The following STON2 variants were observed in gnomAD, a reference collection of about 807,000 sequenced individuals.
STON2 encodes stonin 2.
In STON2, 29 loss-of-function variants were observed where a neutral mutation model predicts 65.7. The ratio of observed to expected loss-of-function variants is 0.44; its 90% CI spans 0.33 to 0.60. The LOEUF is 0.60. Ranked by LOEUF, STON2 falls within the 20% of genes least tolerant of loss-of-function variation. The probability of loss-of-function intolerance (pLI) is 0.03; values close to 1 mark genes in which losing one functional copy is unlikely to be tolerated. For missense variants in STON2, 1,054 were observed against 1,118.1 expected, an observed-to-expected ratio of 0.94 and a Z score of 0.82; for synonymous variants, 404 against 414.2, an observed-to-expected ratio of 0.98 and a Z score of 0.30.
chr14:81,398,542 C>A lies in STON2; in HGVS notation c.-160G>T, dbSNP rs1384433422. On this transcript the variant is annotated 5_prime_UTR_variant, in exon 2 of 8. Transcript: ENST00000614646. ...GGCAGTACTCAGAATGTAGACAGAT[C>A]AGCCTCTCTTGCCGTTGGTTAATCT... 1.2e-5 allele frequency: 6 copies of A among 495,428 alleles called. No homozygotes were observed. The highest frequency in any genetic ancestry group is 2.1e-5 in the Non-Finnish European group (6 of 279,272). The allele number at this position is 495,428 out of a possible 1,614,324, so 30.7% of individuals were successfully genotyped here.
intron 5 of STON2, among the ~76,000 whole-genome samples, chr14:81,308,780 C>CTATATATATATATATATATATATA (rs1566901042): frequency 5.2e-4 from 1 of 1,918 alleles, no homozygotes; most frequent in African/African-American, 2.0e-3. Context: ...ATGGTTTTAC[C>CTATATATATATATATATATATATA]CATATATATA....
rs190904440 is a variant in STON2, at chr14:81,424,363, G to A, written c.-199+2739C>T. On this transcript the variant is annotated intron_variant, in intron 2 of 8. Coordinates refer to the STON2 transcript ENST00000553821. ...GGAGGCTGAGGCAAGAGAATCGCTT[G>A]AACACGGGAAGCTGAGGTTGCAGTG... Among the ~76,000 whole-genome samples the A allele has an allele frequency of 3.3e-5, 5 of 152,182 alleles. No individual in the cohort carries two copies. In the South Asian group the frequency reaches 1.0e-3, roughly 32 times the overall value.
intron 5 of STON2, among the ~76,000 whole-genome samples, chr14:81,298,450 T>C (rs1412292827): frequency 6.6e-6 from 1 of 151,626 alleles, no homozygotes; most frequent in Admixed American, 6.6e-5. Flanking sequence ...AAGCCAAACT[T>C]ACTAAGAATT....
At chr14:81,338,537 T>G (rs1897465769) in intron 4 of STON2, among the ~76,000 whole-genome samples, 1 of 152,180 alleles carries the variant, frequency 6.6e-6, no homozygotes, top group Non-Finnish European at 1.5e-5. Flanking sequence ...TGTGAACCTC[T>G]CTAGCAAATT....
chr14:81,371,034 A>G lies in STON2; in HGVS notation c.525T>C (p.Asn175=). ...CCTGGCCACTCGTCTGCTCCTCAGCATTGATGAGCTGCAGATCTGTATACG... is the reference window on the plus strand; with the variant it reads ...CCTGGCCACTCGTCTGCTCCTCAGCGTTGATGAGCTGCAGATCTGTATACG... The part of the protein sequence containing the change: ...GCSYTDLQLI[N]AEEQTSGQAS... Residue 175 remains asparagine (N), a synonymous_variant, in exon 4 of 8, where the codon AAT becomes AAC. Coordinates refer to ENST00000614646, the MANE Select transcript of STON2 (RefSeq NM_001394390.1). 1 of 1,613,592 alleles carries G rather than the reference A, an allele frequency of 6.2e-7. No individual in the cohort carries two copies.
upstream of STON2, among the ~76,000 whole-genome samples, chr14:81,401,516 G>A (rs565645465): frequency 6.6e-6 from 1 of 152,276 alleles, no homozygotes; most frequent in East Asian, 1.9e-4. Context: ...ACCTTGAAAA[G>A]TGCTGTGCTA....
At chr14:81,418,879 A>T (rs2139888113) in intron 2 of STON2, among the ~76,000 whole-genome samples, 1 of 152,326 alleles carries the variant, frequency 6.6e-6, no homozygotes, top group African/African-American at 2.4e-5. Flanking sequence ...TTCCAATAAA[A>T]CAAAATACCT....
At chr14:81,355,040 A>T (rs1346563604) in intron 4 of STON2, among the ~76,000 whole-genome samples, 1 of 152,158 alleles carries the variant, frequency 6.6e-6, no homozygotes, top group Non-Finnish European at 1.5e-5. Context: ...GACTAAATGG[A>T]AGAAAGAATG....
chr14:81,312,272 CAAG>C (rs1018066010), intron 5 of STON2, among the ~76,000 whole-genome samples: 80 of 152,216 alleles, frequency 5.3e-4, no homozygotes, highest in African/African-American at 1.9e-3. Context: ...TGGGTGCTGG[CAAG>C]AAGGGAACCT....
chr14:81,430,813 T>A (rs1289602584), intron 1 of STON2, among the ~76,000 whole-genome samples: 1 of 152,202 alleles, frequency 6.6e-6, no homozygotes, highest in Non-Finnish European at 1.5e-5. Flanking sequence ...TACTTAACAT[T>A]TCTTAAATAT....
chr14:81,348,383 T>A (rs1311268356), intron 4 of STON2, among the ~76,000 whole-genome samples: 1 of 152,044 alleles, frequency 6.6e-6, no homozygotes, highest in Non-Finnish European at 1.5e-5. Flanking sequence ...ACTGAAAAAC[T>A]CTGAGAACTA....
chr14:81,307,174 C>G (rs1416316967), intron 5 of STON2, among the ~76,000 whole-genome samples: 1 of 152,200 alleles, frequency 6.6e-6, no homozygotes, highest in Non-Finnish European at 1.5e-5. Flanking sequence ...AAAAAACACA[C>G]AGAAAGAAAT....
At position 81,278,176 on chromosome 14, in the gene STON2, A is replaced by T. The variant is rs186416916; in HGVS notation, c.1306T>A (p.Ser436Thr). 1.9e-6 allele frequency: 3 copies of T among 1,614,216 alleles called. No individual in the cohort carries two copies. The East Asian group carries it at 6.7e-5, about 36-fold the overall frequency. The change falls in exon 6 of 8, where the codon TCT becomes ACT. Residue 436 changes from serine (S) to threonine (T), a missense_variant. Transcript: ENST00000614646. Reference protein sequence around the residue: ...FDDSSKTQSHSDAVEKLKQLQ... With the variant: ...FDDSSKTQSHTDAVEKLKQLQ... ...TGTTTGAGTTTTTCAACAGCATCAG[A>T]GTGTGACTGGGTTTTGCTTGAATCA...
chr14:81,295,276 G>A (rs1170590425), intron 5 of STON2, among the ~76,000 whole-genome samples: 1 of 152,190 alleles, frequency 6.6e-6, no homozygotes, highest in African/African-American at 2.4e-5. Context: ...AGTGAGCCGA[G>A]ATTGTGCCAT....
intron 3 of STON2, among the ~76,000 whole-genome samples, chr14:81,371,714 C>G (rs1410988242): frequency 7.2e-6 from 1 of 138,018 alleles, no homozygotes; most frequent in Admixed American, 7.3e-5. Flanking sequence ...AAAGTAAGGT[C>G]CCAGGACTCT....
Position 81,395,999 on chromosome 14 carries a change from G to C in STON2, c.268C>G (p.Gln90Glu), listed in dbSNP as rs777479836. The C allele has an allele frequency of 5.0e-6, 8 of 1,614,072 alleles. No homozygotes were observed. Among genetic ancestry groups the C allele is most frequent in the African/African-American group, 2.7e-5 (2 of 74,926 alleles). ...GCCGAGGCCAGGTCAGGTGGGGGCT[G>C]CTCAGGGCTCCCAGGTGGGGAAGCT... ...EAASPPGSPE[Q>E]PPPDLASAIS... is the part of the protein sequence containing the mutation. Residue 90 changes from glutamine to glutamate, a missense_variant, in exon 3 of 8, where the codon CAG becomes GAG. Physicochemically the swap from Gln to Glu is conservative, Grantham distance 29. Transcript: ENST00000614646.
Position 81,267,403 on chromosome 14 carries a change from G to C in STON2, c.*1011C>G. On this transcript the variant is annotated 3_prime_UTR_variant, in exon 8 of 8. Coordinates refer to ENST00000614646, the MANE Select transcript of STON2 (RefSeq NM_001394390.1). The stretch of plus-strand genomic sequence containing the variant: ...CTCATTCAAGCTTAATTTTAAAACA[G>C]CTTTAAAAATTATCTTTGCAGCTTA... The C allele has an allele frequency of 5.1e-6, 5 of 985,288 alleles. No individual in the cohort carries two copies. Among genetic ancestry groups the C allele is most frequent in the Non-Finnish European group, 6.0e-6 (5 of 829,890 alleles). 61.0% of individuals were successfully genotyped at this position (985,288 alleles called of 1,614,324 possible).
chr14:81,417,383 G>C (rs1294651890), intron 2 of STON2, among the ~76,000 whole-genome samples: 1 of 151,850 alleles, frequency 6.6e-6, no homozygotes, highest in African/African-American at 2.4e-5. Context: ...CCTTAACTGG[G>C]CAAAAAGATG....
At position 81,278,249 on chromosome 14, in the gene STON2, G is replaced by A. The variant is rs1439328884; in HGVS notation, c.1233C>T (p.Ser411=). The A allele has an allele frequency of 1.2e-6, 2 of 1,614,004 alleles. No homozygotes were observed. Among genetic ancestry groups the A allele is most frequent in the Non-Finnish European group, 1.7e-6 (2 of 1,180,034 alleles). The change falls in exon 6 of 8, where the codon AGC becomes AGT. Residue 411 remains serine, a synonymous_variant. Transcript: ENST00000614646. ...AGATGACAATGAGGGAATCTCTTTG[G>A]CTTTTGCCCGTGGTACTGGAAATGG... The part of the protein sequence containing the change: ...NSSISSTTGK[S]QRDSLIVIYQ...
Sources: allele counts gnomAD v4.1 joint callset (sites outside exome capture counted in the v4.1 genomes callset), GRCh38; gene constraint gnomAD v4.1.1; transcripts MANE v1.5; gene names NCBI Gene and HGNC (gene_info 2026-07-23, HGNC 2026-07-21).